Variants in GMDS observed in about 807,000 individuals in gnomAD.
GMDS encodes the protein GDP-mannose 4,6-dehydratase.
GMDS carries 20 observed loss-of-function variants against 49.9 expected under a neutral mutation model. The ratio of observed to expected loss-of-function variants is 0.40; its 90% confidence interval spans 0.28 to 0.58. The LOEUF is 0.58. Among genes scored for constraint, GMDS ranks in the 20% least tolerant of loss-of-function variants. GMDS has a pLI of 0.42. For missense variants in GMDS, 362 were observed against 481.4 expected (o/e 0.75, Z 2.32); for synonymous variants, 177 against 178.6 (o/e 0.99, Z 0.07).
At chr6:1,872,119 C>T (rs971262582) in intron 7 of GMDS, among the ~76,000 whole-genome samples, 18 of 152,232 alleles carry the variant, frequency 1.2e-4, no homozygotes, top group African/African-American at 3.9e-4. Context: ...CCAGTTGTCA[C>T]CCTCCCTGTC....
chr6:2,052,143 A>AAAAAAAAAAAAAAAC (rs1770453878), intron 4 of GMDS, among the ~76,000 whole-genome samples: 1 of 148,930 alleles, frequency 6.7e-6, no homozygotes, highest in Non-Finnish European at 1.5e-5. Flanking sequence ...AAAAAAAAAA[A>AAAAAAAAAAAAAAAC]CAGAAAAGAA....
intron 6 of GMDS, among the ~76,000 whole-genome samples, chr6:1,945,083 G>A (rs2127267210): frequency 6.6e-6 from 1 of 152,232 alleles, no homozygotes; most frequent in South Asian, 2.1e-4. Context: ...AGCACAATTA[G>A]AAATAAAGGA....
chr6:1,770,374 G>C (rs368718419), intron 7 of GMDS, among the ~76,000 whole-genome samples: 1 of 152,226 alleles, frequency 6.6e-6, no homozygotes, highest in Non-Finnish European at 1.5e-5. Context: ...AAGACCACGC[G>C]TAAGGCACTG....
intron 4 of GMDS, among the ~76,000 whole-genome samples, chr6:1,967,444 A>G (rs1764325657): frequency 6.6e-6 from 1 of 152,230 alleles, no homozygotes; most frequent in Admixed American, 6.5e-5. Flanking sequence ...AAAATGAGCT[A>G]TGAGAATGAT....
chr6:1,763,171 C>T (rs1768223881), intron 7 of GMDS, among the ~76,000 whole-genome samples: 1 of 152,196 alleles, frequency 6.6e-6, no homozygotes, highest in Non-Finnish European at 1.5e-5. Context: ...TGCGAAGATG[C>T]TGGCAGATGT....
rs918377916 is a variant in GMDS at position 1,716,680 on chromosome 6, C to A, written c.987+9736G>T. Reference sequence around the variant, plus strand: ...AGGGTTCCCAGACTGGGCCACCCACCCACTCCACCTGACAGAGTCCCTGCC... The same window carrying A: ...AGGGTTCCCAGACTGGGCCACCCACACACTCCACCTGACAGAGTCCCTGCC... On this transcript the variant is annotated intron_variant, in intron 9 of 10. Transcript: ENST00000380815. Among the ~76,000 whole-genome samples the A allele has an allele frequency of 3.3e-5, 5 of 152,118 alleles. 1 individual carries two copies. Among genetic ancestry groups the A allele is most frequent in the African/African-American group, 1.2e-4 (5 of 41,402 alleles).
chr6:1,983,174 G>A (rs7764833), intron 4 of GMDS, among the ~76,000 whole-genome samples: 59,328 of 151,932 alleles, frequency 0.39, 11,674 homozygotes, highest in Middle Eastern at 0.45. Context: ...CTTGCTAGCC[G>A]TATGCAGAAA....
At chr6:2,153,664 C>A (rs532839476) in intron 1 of GMDS, among the ~76,000 whole-genome samples, 1 of 152,058 alleles carries the variant, frequency 6.6e-6, no homozygotes, top group South Asian at 2.1e-4. Context: ...ACCTATTGAA[C>A]TGACAAAAAA....
At chr6:1,698,553 C>T (rs779727890) in intron 9 of GMDS, among the ~76,000 whole-genome samples, 1 of 152,052 alleles carries the variant, frequency 6.6e-6, no homozygotes, top group Admixed American at 6.6e-5. Context: ...TCACCGCTCT[C>T]CCGAGTAAGG....
intron 9 of GMDS, among the ~76,000 whole-genome samples, chr6:1,724,169 C>A (rs533908011): frequency 1.3e-5 from 2 of 152,278 alleles, no homozygotes; most frequent in Admixed American, 1.3e-4. Context: ...AAACGTAGTT[C>A]AAGATTCAAA....
chr6:2,178,085 T>G (rs914136516), intron 1 of GMDS, among the ~76,000 whole-genome samples: 1 of 152,048 alleles, frequency 6.6e-6, no homozygotes, highest in Non-Finnish European at 1.5e-5. Context: ...AGATAAACAT[T>G]GGGTATTCAT....
At chr6:1,913,388 C>CAAAAAAAA (rs56262461) in intron 7 of GMDS, among the ~76,000 whole-genome samples, 170 of 103,798 alleles carry the variant, frequency 1.6e-3, no homozygotes, top group Admixed American at 1.8e-3. Flanking sequence ...CTCAAACAAA[C>CAAAAAAAA]AAAAAAAAAA....
intron 7 of GMDS, among the ~76,000 whole-genome samples, chr6:1,896,023 T>C (rs1006004083): frequency 4.6e-5 from 7 of 151,986 alleles, no homozygotes; most frequent in African/African-American, 1.7e-4. Context: ...ATGAAGAATA[T>C]GGAAAAGGAA....
intron 1 of GMDS, among the ~76,000 whole-genome samples, chr6:2,245,114 G>C (rs1371570672): frequency 6.6e-6 from 1 of 152,212 alleles, no homozygotes; most frequent in Non-Finnish European, 1.5e-5. Context: ...CCCAGAGAAA[G>C]ACCAGAGGCG....
intron 1 of GMDS, among the ~76,000 whole-genome samples, chr6:2,211,258 G>C (rs187690391): frequency 1.3e-5 from 2 of 152,250 alleles, no homozygotes; most frequent in Admixed American, 1.3e-4. Context: ...GTTTTTTGGG[G>C]ATGTGCATTA....
chr6:1,879,229 G>T (rs1444055810), intron 7 of GMDS, among the ~76,000 whole-genome samples: 1 of 151,950 alleles, frequency 6.6e-6, no homozygotes, highest in Non-Finnish European at 1.5e-5. Flanking sequence ...ATTAAAATTG[G>T]GTATAAAATA....
intron 9 of GMDS, among the ~76,000 whole-genome samples, chr6:1,675,568 G>C (rs4959588): frequency 6.6e-6 from 1 of 152,060 alleles, no homozygotes; most frequent in Admixed American, 6.6e-5. Flanking sequence ...TATAATGTTA[G>C]CTGGCTGGGT....
At chr6:2,138,117 A>C (rs1482378373) in intron 1 of GMDS, among the ~76,000 whole-genome samples, 3 of 152,224 alleles carry the variant, frequency 2.0e-5, no homozygotes, top group Admixed American at 2.0e-4. Flanking sequence ...ATTCAAAAAT[A>C]TCTCTGCCAC....
intron 4 of GMDS, among the ~76,000 whole-genome samples, chr6:2,058,338 C>CAA (rs11390421): frequency 0.032 from 2,907 of 90,166 alleles, 73 homozygotes; most frequent in African/African-American, 0.079. Flanking sequence ...GAGTAAGACT[C>CAA]AAAAAAAAAA....
Sources: gnomAD v4.1 joint callset for allele counts (sites outside exome capture counted in the v4.1 genomes callset) on GRCh38, gnomAD v4.1.1 for gene constraint, MANE v1.5 for transcripts, NCBI Gene and HGNC (gene_info 2026-07-23, HGNC 2026-07-21) for gene names.